The following WDR59 variants were observed in gnomAD, a reference collection of about 807,000 sequenced individuals.
WDR59 encodes GATOR2 complex protein WDR59.
Under a neutral mutation model 131.2 loss-of-function variants are expected in WDR59, and 100 were observed. The ratio of observed to expected loss-of-function variants is 0.76; its 90% CI spans 0.65 to 0.90. The LOEUF is 0.90. WDR59 is among the 40% of genes least tolerant of loss of function. The pLI is 0.00. For missense variants in WDR59, 1,203 were observed against 1,262.2 expected (o/e 0.95, Z 0.71); for synonymous variants, 601 against 466.2 (o/e 1.29, Z -3.72).
chr16:74,975,479 A>G (rs1354103598), intron 1 of WDR59, among the ~76,000 whole-genome samples: 3 of 152,006 alleles, frequency 2.0e-5, no homozygotes, highest in African/African-American at 4.8e-5. Flanking sequence ...CCTGGCCAAC[A>G]TGGTAAAACC....
At chr16:74,978,410 G>C (rs2034272338) in intron 1 of WDR59, among the ~76,000 whole-genome samples, 1 of 151,218 alleles carries the variant, frequency 6.6e-6, no homozygotes. Context: ...GAGGACACTT[G>C]AGCCCAGGAG....
chr16:74,890,113 T>C (rs191878882), intron 20 of WDR59, among the ~76,000 whole-genome samples: 2 of 152,332 alleles, frequency 1.3e-5, no homozygotes, highest in South Asian at 2.1e-4. Context: ...ATAATTTCAG[T>C]GGGTCATCTA....
chr16:74,938,188 G>T lies in WDR59; in HGVS notation c.613C>A (p.His205Asn). The change falls in exon 8 of 26, where the codon CAC becomes AAC. Residue 205 changes from histidine (H) to asparagine (N), a missense_variant. By Grantham distance (68) the His-to-Asn change is moderately conservative. Transcript: ENST00000262144. ...HGLDWHPDSE[H>N]ILATSSQDNS... ...TCTTGACTGGAGGTAGCAAGAATGTGCTCGCTGTCTGGGTGCCAGTCCAGG... is the reference window on the plus strand; with the variant it reads ...TCTTGACTGGAGGTAGCAAGAATGTTCTCGCTGTCTGGGTGCCAGTCCAGG... 3.2e-6 allele frequency: 5 copies of T among 1,580,762 alleles called. No homozygotes were observed. Among genetic ancestry groups the T allele is most frequent in the Non-Finnish European group, 4.3e-6 (5 of 1,163,768 alleles).
Position 74,949,773 on chromosome 16 carries a change from G to C in WDR59, c.352C>G (p.Pro118Ala), listed in dbSNP as rs933258456. The part of the protein sequence containing the change: ...ISDLDWAVFE[P>A]DLLVTSSVDT... ...ACAGAGCTGGTAACCAGGAGGTCAG[G>C]CTCAAACACCGCCCAGTCCAAGTCG... Residue 118 changes from proline (P) to alanine (A), a missense_variant, in exon 5 of 26, where the codon CCT (proline) becomes GCT (alanine). By Grantham distance (27) the Pro-to-Ala change is conservative. Transcript: ENST00000262144. The C allele has an allele frequency of 1.9e-6, 3 of 1,613,896 alleles. No homozygotes were observed. Among genetic ancestry groups the C allele is most frequent in the Non-Finnish European group, 2.5e-6 (3 of 1,179,902 alleles).
intron 25 of WDR59, among the ~76,000 whole-genome samples, chr16:74,875,908 T>C (rs1442471045): frequency 1.3e-5 from 2 of 152,172 alleles, no homozygotes; most frequent in Non-Finnish European, 1.5e-5. Flanking sequence ...CACCTAGCCC[T>C]GCGCGGAGCC....
At chr16:74,913,870 A>C (rs990567384) in intron 13 of WDR59, among the ~76,000 whole-genome samples, 4 of 152,168 alleles carry the variant, frequency 2.6e-5, no homozygotes, top group Non-Finnish European at 5.9e-5. Flanking sequence ...TGGCTGTACA[A>C]CTTTGTGAAT....
At chr16:74,952,902 T>C (rs2033083496) in intron 3 of WDR59, among the ~76,000 whole-genome samples, 1 of 152,046 alleles carries the variant, frequency 6.6e-6, no homozygotes, top group Admixed American at 6.6e-5. Context: ...GTGAAAAGGT[T>C]AGGATTCAAA....
At chr16:74,932,076 C>T (rs11864457) in intron 8 of WDR59, among the ~76,000 whole-genome samples, 140,230 of 149,360 alleles carry the variant, frequency 0.94, 66,072 homozygotes, top group Non-Finnish European at 0.98. Flanking sequence ...TTTATATATA[C>T]ACATATATAT....
At chr16:74,875,619 C>G (rs1777550685) in intron 25 of WDR59, among the ~76,000 whole-genome samples, 1 of 152,216 alleles carries the variant, frequency 6.6e-6, no homozygotes, top group South Asian at 2.1e-4. Context: ...TCATCCCTAA[C>G]CCATCACCAC....
At position 74,970,495 on chromosome 16, in the gene WDR59, C is replaced by CAAAAAAAAAA. The variant is rs746574195; in HGVS notation, c.55-4683_55-4674dup. The stretch of plus-strand genomic sequence containing the variant: ...GGGTGACAGAGAGAGACTCTGTCTC[C>CAAAAAAAAAA]AAAAAAAAAAAAAAAAAAAAAAAAA... On this transcript the variant is annotated intron_variant, in intron 1 of 25. Transcript: ENST00000262144. Among the ~76,000 whole-genome samples the CAAAAAAAAAA allele has an allele frequency of 8.6e-3, 286 of 33,202 alleles. 52 individuals are homozygous for CAAAAAAAAAA. The highest frequency in any genetic ancestry group is 0.013 in the Non-Finnish European group (198 of 15,530). 21.8% of individuals were successfully genotyped at this position (33,202 alleles called of 152,430 possible). A position where few individuals can be genotyped will look rare whatever the true frequency, so the allele number is the denominator to read the frequency against.
rs567991607 is a variant in WDR59, at chr16:74,950,925, G to T, written c.326+533C>A. 2.6e-5 allele frequency among the ~76,000 whole-genome samples: 4 copies of T among 151,652 alleles called. No individual in the cohort carries two copies. In the South Asian group the frequency reaches 8.3e-4, roughly 32 times the overall value. ...AATCCCAACACTTTGGGAGGCCAAGGCAGGTGGGTCACTTCAAGTTAGGAG... is the reference window on the plus strand; with the variant it reads ...AATCCCAACACTTTGGGAGGCCAAGTCAGGTGGGTCACTTCAAGTTAGGAG... On this transcript the variant is annotated intron_variant, in intron 4 of 25. Coordinates refer to ENST00000262144, the MANE Select transcript of WDR59 (RefSeq NM_030581.4).
chr16:74,904,246 A>T (rs1351292953), intron 17 of WDR59, 146 bp from the exon 18 acceptor site: 1 of 939,098 alleles, frequency 1.1e-6, no homozygotes, highest in East Asian at 2.7e-5. Context: ...AACTTTTAAC[A>T]CTGAAAAATG....
intron 10 of WDR59, among the ~76,000 whole-genome samples, chr16:74,918,221 A>G (rs998765737): frequency 1.2e-4 from 19 of 152,222 alleles, no homozygotes; most frequent in African/African-American, 4.3e-4. Flanking sequence ...GAAAGAGACA[A>G]ATATCTGATA....
rs543958287 is a variant in WDR59 at position 74,912,435 on chromosome 16, G to C, written c.1225-73C>G. The stretch of plus-strand genomic sequence containing the variant: ...TCTTTCGATGCAAGCACATTTAACT[G>C]AACGCTCCATGTTCCTGGTAATTGA... On this transcript the variant is annotated intron_variant, in intron 13 of 25. Transcript: ENST00000262144. The C allele has an allele frequency of 2.2e-4, 328 of 1,483,718 alleles. No individual in the cohort carries two copies. The African/African-American group carries it at 4.1e-3, about 18-fold the overall frequency. The allele number at this position is 1,483,718 out of a possible 1,614,324, so 91.9% of individuals were successfully genotyped here. A position where few individuals can be genotyped will look rare whatever the true frequency, so the allele number is the denominator to read the frequency against.
chr16:74,930,314 C>T, intron 8 of WDR59, among the ~76,000 whole-genome samples: 1 of 152,066 alleles, frequency 6.6e-6, no homozygotes, highest in East Asian at 1.9e-4. Context: ...GTACCCCATA[C>T]ATATATACAC....
rs577400790 is a variant in WDR59 at position 74,961,500 on chromosome 16, G to C, written c.104+4273C>G. 2.0e-5 allele frequency among the ~76,000 whole-genome samples: 3 copies of C among 152,284 alleles called. No homozygotes were observed. The South Asian group carries it at 6.2e-4, about 32-fold the overall frequency. ...TAATAATTGCCACTCTGACTGGCGA[G>C]AGATGGTCTCTCATTGTGGTTTTGA... On this transcript the variant is annotated intron_variant, in intron 2 of 25. Coordinates refer to ENST00000262144, the MANE Select transcript of WDR59 (RefSeq NM_030581.4).
chr16:74,887,799 A>G lies in WDR59; in HGVS notation c.2347-44T>C, dbSNP rs200906442. The G allele has an allele frequency of 1.2e-4, 191 of 1,560,620 alleles. No individual in the cohort carries two copies. The African/African-American group carries it at 2.3e-3, about 19-fold the overall frequency. On this transcript the variant is annotated intron_variant, in intron 22 of 25. Transcript: ENST00000262144. ...GAACCAACAGGACTAGCATGAGAAT[A>G]CCATTCCCCATGACAGTTCACATTA...
At chr16:74,903,758 A>G (rs370482147) in intron 18 of WDR59, among the ~76,000 whole-genome samples, 189 bp downstream of exon 18, 109 of 152,266 alleles carry the variant, frequency 7.2e-4, no homozygotes, top group African/African-American at 2.5e-3. Flanking sequence ...CCCCTGACCC[A>G]TACACACACA....
chr16:74,901,987 T>A (rs920531914), intron 18 of WDR59, among the ~76,000 whole-genome samples: 4 of 152,218 alleles, frequency 2.6e-5, no homozygotes, highest in Non-Finnish European at 5.9e-5. Context: ...ACCTATTAAG[T>A]TGAACCACAT....
Sources: gnomAD v4.1 joint callset for allele counts (sites outside exome capture counted in the v4.1 genomes callset) on GRCh38, gnomAD v4.1.1 for gene constraint, MANE v1.5 for transcripts, NCBI Gene and HGNC (gene_info 2026-07-23, HGNC 2026-07-21) for gene names.